The following SLA2 variants were observed in gnomAD, a reference collection of about 807,000 sequenced individuals.
The protein encoded by SLA2 is Src like adaptor 2.
SLA2 carries 22 observed loss-of-function variants against 27.3 expected under a neutral mutation model. The observed-to-expected ratio is 0.81, with a 90% CI of 0.58 to 1.15. The LOEUF is 1.15. Ranked by LOEUF, SLA2 falls within the 50% of genes most tolerant of loss-of-function variation. The pLI is 0.00. For missense variants in SLA2, 304 were observed against 322.2 expected (o/e 0.94, Z 0.43); for synonymous variants, 131 against 137.8 (o/e 0.95, Z 0.34).
At position 36,613,768 on chromosome 20, in the gene SLA2, C is replaced by A; in HGVS notation, c.*98G>T. ...GATGCACCTCTGTGTCCCACCCTCC[C>A]TCCCTGAGTGCACAGCCTTGCCTCT... On this transcript the variant is annotated 3_prime_UTR_variant, in exon 8 of 8. Coordinates refer to ENST00000262866, the MANE Select transcript of SLA2 (RefSeq NM_032214.4). The A allele has an allele frequency of 1.5e-6, 1 of 663,160 alleles. No individual in the cohort carries two copies. The highest frequency in any genetic ancestry group is 2.5e-6 in the Non-Finnish European group (1 of 403,916). The allele number at this position is 663,160 out of a possible 1,614,324, so 41.1% of individuals were successfully genotyped here. A position where few individuals can be genotyped will look rare whatever the true frequency, so the allele number is the denominator to read the frequency against.
intron 2 of SLA2, among the ~76,000 whole-genome samples, chr20:36,636,956 C>G (rs1161823088): frequency 3.3e-5 from 5 of 151,490 alleles, no homozygotes; most frequent in Admixed American, 6.6e-5. Flanking sequence ...GTCCCCCACC[C>G]CCCCCAAAAA....
intron 5 of SLA2, chr20:36,621,326 A>G: frequency 1.6e-6 from 1 of 614,158 alleles, no homozygotes; most frequent in Non-Finnish European, 3.1e-6. Context: ...GGACCTATGA[A>G]AGGAGGCAGT....
At chr20:36,630,469 G>A (rs2039382577) in intron 5 of SLA2, among the ~76,000 whole-genome samples, 2 of 152,290 alleles carry the variant, frequency 1.3e-5, no homozygotes, top group East Asian at 3.9e-4. Context: ...TCCTTCCCTG[G>A]TCTGTTGCTA....
At position 36,613,772 on chromosome 20, in the gene SLA2, CTGAGTGCACAG is replaced by C; in HGVS notation, c.*83_*93del. On this transcript the variant is annotated 3_prime_UTR_variant, in exon 8 of 8. Transcript: ENST00000262866. ...CACCTCTGTGTCCCACCCTCCCTCCCTGAGTGCACAGCCTTGCCTCTGGGGTGCCCAGGAGG... is the reference window on the plus strand; with the variant it reads ...CACCTCTGTGTCCCACCCTCCCTCCCCCTTGCCTCTGGGGTGCCCAGGAGG... 1 of 866,048 alleles carries C rather than the reference CTGAGTGCACAG, an allele frequency of 1.2e-6. No homozygotes were observed. The highest frequency in any genetic ancestry group is 1.7e-6 in the Non-Finnish European group (1 of 580,998). 53.6% of individuals were successfully genotyped at this position (866,048 alleles called of 1,614,324 possible).
rs1377771965 is a variant in SLA2 at position 36,639,231 on chromosome 20, A to C, written c.91+2014T>G. Among the ~76,000 whole-genome samples, 3 of 152,296 alleles carry C rather than the reference A, an allele frequency of 2.0e-5. No individual in the cohort carries two copies. The East Asian group carries it at 5.8e-4, about 29-fold the overall frequency. ...CCTCGTGCAATCAGTTGAAGGTCTTAAAAGAACAAGACTGACGTCCTTTGA... is the reference window on the plus strand; with the variant it reads ...CCTCGTGCAATCAGTTGAAGGTCTTCAAAGAACAAGACTGACGTCCTTTGA... On this transcript the variant is annotated intron_variant, in intron 2 of 7. Coordinates refer to ENST00000262866, the MANE Select transcript of SLA2 (RefSeq NM_032214.4).
At chr20:36,644,746 ACT>A (rs1416875108) in intron 1 of SLA2, among the ~76,000 whole-genome samples, 1 of 151,726 alleles carries the variant, frequency 6.6e-6, no homozygotes. Flanking sequence ...CAAATCATTA[ACT>A]CTACAAATTT....
Position 36,633,560 on chromosome 20 carries a change from C to T in SLA2, c.261G>A (p.Val87=). The change falls in exon 4 of 8, where the codon GTG becomes GTA. Residue 87 remains valine, a synonymous_variant. Coordinates refer to ENST00000262866, the MANE Select transcript of SLA2 (RefSeq NM_032214.4). The part of the protein sequence containing the change: ...GREYNIPSVH[V]AKVSHGWLYE... ...GAACTCACCCATGGGAGACTTTGGC[C>T]ACGTGGACGCTGGGGATGTTATACT... 6.2e-7 allele frequency: 1 copy of T among 1,614,104 alleles called. No homozygotes were observed. The highest frequency in any genetic ancestry group is 8.5e-7 in the Non-Finnish European group (1 of 1,179,994).
At chr20:36,636,287 G>A (rs1329990090) in intron 2 of SLA2, among the ~76,000 whole-genome samples, 5 of 150,822 alleles carry the variant, frequency 3.3e-5, no homozygotes, top group Admixed American at 1.3e-4. Flanking sequence ...CGGGCGCGGT[G>A]GCGGGCGCCT....
intron 2 of SLA2, 77 bp from the exon 3 acceptor site, chr20:36,634,666 G>A: frequency 1.1e-6 from 1 of 927,718 alleles, no homozygotes; most frequent in Non-Finnish European, 1.6e-6. Flanking sequence ...GTCTGGCCTG[G>A]GTCTGGCTCC....
chr20:36,626,526 C>T (rs1380718033), intron 5 of SLA2, among the ~76,000 whole-genome samples: 11 of 150,972 alleles, frequency 7.3e-5, no homozygotes, highest in South Asian at 2.1e-4. Context: ...ATAGTGCCAC[C>T]GCACTCCAGC....
Position 36,613,784 on chromosome 20 carries a change from C to T in SLA2, c.*82G>A, listed in dbSNP as rs2039170165. On this transcript the variant is annotated 3_prime_UTR_variant, in exon 8 of 8. Transcript: ENST00000262866. The stretch of plus-strand genomic sequence containing the variant: ...CCACCCTCCCTCCCTGAGTGCACAG[C>T]CTTGCCTCTGGGGTGCCCAGGAGGC... 1 of 1,212,728 alleles carries T rather than the reference C, an allele frequency of 8.2e-7. No individual in the cohort carries two copies. Among genetic ancestry groups the T allele is most frequent in the African/African-American group, 1.6e-5 (1 of 63,984 alleles). The allele number at this position is 1,212,728 out of a possible 1,614,324, so 75.1% of individuals were successfully genotyped here.
intron 1 of SLA2, among the ~76,000 whole-genome samples, chr20:36,644,798 A>G (rs990249054): frequency 3.9e-5 from 6 of 152,016 alleles, no homozygotes; most frequent in African/African-American, 1.4e-4. Context: ...TCCGGAGGAC[A>G]TGAGGCATCG....
chr20:36,639,372 A>G (rs1600833204), intron 2 of SLA2, among the ~76,000 whole-genome samples: 1 of 151,704 alleles, frequency 6.6e-6, no homozygotes, highest in Admixed American at 6.6e-5. Context: ...CAACTGTGTG[A>G]GCCAGCTCCT....
At chr20:36,626,761 G>A (rs976254557) in intron 5 of SLA2, among the ~76,000 whole-genome samples, 2 of 149,758 alleles carry the variant, frequency 1.3e-5, no homozygotes, top group South Asian at 2.1e-4. Flanking sequence ...GGAGAATGGC[G>A]TGAAACCGGG....
intron 2 of SLA2, among the ~76,000 whole-genome samples, chr20:36,636,626 ATATATATATATAT>A (rs2039452702): frequency 8.6e-6 from 1 of 115,668 alleles, no homozygotes; most frequent in Non-Finnish European, 1.7e-5. Context: ...AAAAAAAAAT[ATATATATATATAT>A]ATATATATAT....
intron 5 of SLA2, among the ~76,000 whole-genome samples, chr20:36,617,560 A>G (rs1049516345): frequency 1.1e-4 from 16 of 149,956 alleles, no homozygotes; most frequent in Non-Finnish European, 2.2e-4. Flanking sequence ...AAAAAAAATT[A>G]AAACAAAAGT....
intron 5 of SLA2, among the ~76,000 whole-genome samples, chr20:36,629,133 G>A (rs1305577110): frequency 1.3e-5 from 2 of 149,946 alleles, no homozygotes; most frequent in African/African-American, 4.9e-5. Context: ...GTGCGATCTC[G>A]TCTCACTGCA....
chr20:36,633,458 C>T (rs1279905292), intron 4 of SLA2, 85 bp downstream of exon 4: 4 of 1,178,492 alleles, frequency 3.4e-6, no homozygotes, highest in Admixed American at 3.5e-5. Context: ...CAGCTTTGCT[C>T]AGCGCAGAGC....
chr20:36,639,008 G>A (rs1319438355), intron 2 of SLA2, among the ~76,000 whole-genome samples: 3 of 151,948 alleles, frequency 2.0e-5, no homozygotes, highest in South Asian at 4.1e-4. Context: ...CACCATGCTC[G>A]GCTAATTTTG....
Sources: gnomAD v4.1 joint callset for allele counts (sites outside exome capture counted in the v4.1 genomes callset) on GRCh38, gnomAD v4.1.1 for gene constraint, MANE v1.5 for transcripts, NCBI Gene and HGNC (gene_info 2026-07-23, HGNC 2026-07-21) for gene names.